ARHGEF38: variants seen among roughly 807,000 people sequenced by gnomAD.
The protein encoded by ARHGEF38 is Rho guanine nucleotide exchange factor (GEF) 38.
ARHGEF38 carries 79 observed loss-of-function variants against 79.9 expected under a neutral mutation model. That is an observed-to-expected ratio of 0.99 (90% CI 0.82 to 1.19). ARHGEF38 has a LOEUF of 1.19. ARHGEF38 is among the 50% of genes most tolerant of loss of function. The pLI, the probability that ARHGEF38 is intolerant of heterozygous loss-of-function variation, is 0.00. For missense variants in ARHGEF38, 962 were observed against 907.2 expected (o/e 1.06, Z -0.78); for synonymous variants, 366 against 328.3 (o/e 1.11, Z -1.24).
At chr4:105,590,070 AGAAAGAAGGAAGGAAGGAAGGAAGGAAG>A in intron 2 of ARHGEF38, among the ~76,000 whole-genome samples, 1 of 122,378 alleles carries the variant, frequency 8.2e-6, no homozygotes. Context: ...AGAAAAAGAA[AGAAAGAAGGAAGGAAGGAAGGAAGGAAG>A]GAAGGAAGGA....
At chr4:105,591,983 T>G (rs1727362131) in intron 2 of ARHGEF38, among the ~76,000 whole-genome samples, 1 of 152,250 alleles carries the variant, frequency 6.6e-6, no homozygotes, top group Non-Finnish European at 1.5e-5. Context: ...TTCTGGCAGA[T>G]ATCAATGGTT....
At chr4:105,623,206 T>C (rs1728810006) in intron 3 of ARHGEF38, among the ~76,000 whole-genome samples, 1 of 152,228 alleles carries the variant, frequency 6.6e-6, no homozygotes, top group Non-Finnish European at 1.5e-5. Flanking sequence ...AACTATTTGC[T>C]GAATGGATGA....
chr4:105,672,315 T>G (rs1226264617), intron 13 of ARHGEF38, among the ~76,000 whole-genome samples: 1 of 152,204 alleles, frequency 6.6e-6, no homozygotes, highest in Non-Finnish European at 1.5e-5. Context: ...TTTAACTTGC[T>G]TATCCATTCT....
At chr4:105,611,898 A>T (rs970911737) in intron 2 of ARHGEF38, among the ~76,000 whole-genome samples, 25 of 152,112 alleles carry the variant, frequency 1.6e-4, no homozygotes, top group African/African-American at 5.8e-4. Flanking sequence ...TTTGATTACA[A>T]ATGAGGCTGT....
chr4:105,665,005 G>T (rs58897003), intron 10 of ARHGEF38, among the ~76,000 whole-genome samples: 4,384 of 151,996 alleles, frequency 0.029, 68 homozygotes, highest in African/African-American at 0.04. Context: ...TGTTGCTGTT[G>T]TTGTTGTTGA....
intron 5 of ARHGEF38, among the ~76,000 whole-genome samples, chr4:105,643,856 C>G (rs1218976993): frequency 6.8e-6 from 1 of 147,052 alleles, no homozygotes; most frequent in Non-Finnish European, 1.5e-5. Context: ...TAGATGGTCT[C>G]TAAGATGCCT....
intron 4 of ARHGEF38, chr4:105,633,080 C>T (rs1729260399): frequency 6.6e-6 from 1 of 152,670 alleles, no homozygotes; most frequent in African/African-American, 2.4e-5. Context: ...TTCCCCTGGC[C>T]ATGCCCCAAA....
intron 1 of ARHGEF38, among the ~76,000 whole-genome samples, chr4:105,561,403 T>TAGAATGGAATAGAATAGAATAGA (rs1725530765): frequency 5.0e-5 from 1 of 20,044 alleles, no homozygotes; most frequent in Non-Finnish European, 1.1e-4. Flanking sequence ...AGTAGAATAA[T>TAGAATGGAATAGAATAGAATAGA]AGAATAGAAT....
chr4:105,565,095 C>T (rs964190260), intron 1 of ARHGEF38, among the ~76,000 whole-genome samples: 1 of 152,218 alleles, frequency 6.6e-6, no homozygotes, highest in Non-Finnish European at 1.5e-5. Flanking sequence ...GACAGGTAAG[C>T]TTTGTTTAAT....
intron 3 of ARHGEF38, among the ~76,000 whole-genome samples, chr4:105,626,583 T>C (rs1055840967): frequency 1.3e-5 from 2 of 152,160 alleles, no homozygotes; most frequent in Non-Finnish European, 2.9e-5. Flanking sequence ...TTAACTGCAA[T>C]AACTTTCTGT....
chr4:105,676,377 TAG>T (rs1477252422), intron 13 of ARHGEF38, among the ~76,000 whole-genome samples: 3 of 152,218 alleles, frequency 2.0e-5, no homozygotes, highest in Non-Finnish European at 4.4e-5. Context: ...CATCTGTGTG[TAG>T]AGTTGTTGCT....
intron 3 of ARHGEF38, among the ~76,000 whole-genome samples, chr4:105,625,349 A>T (rs1266922659): frequency 6.6e-6 from 1 of 152,230 alleles, no homozygotes; most frequent in African/African-American, 2.4e-5. Flanking sequence ...GTAGATTAGA[A>T]TTAAGTTCAG....
chr4:105,561,484 A>AGAATG (rs1560684665), intron 1 of ARHGEF38: 6 of 59,868 alleles, frequency 1.0e-4, no homozygotes, highest in Admixed American at 3.4e-4. Flanking sequence ...AGAATAGAAT[A>AGAATG]GAATAGAATA....
At chr4:105,573,364 A>G (rs1279636222) in intron 1 of ARHGEF38, among the ~76,000 whole-genome samples, 3 of 152,098 alleles carry the variant, frequency 2.0e-5, no homozygotes, top group African/African-American at 7.2e-5. Context: ...TACAAGTTTT[A>G]TATTTTTAGA....
At position 105,680,084 on chromosome 4, in the gene ARHGEF38, T is replaced by G; in HGVS notation, c.*2147T>G. On this transcript the variant is annotated 3_prime_UTR_variant, in exon 14 of 14. Transcript: ENST00000420470. ...CCTCCCTTCAGATCCACTGTAGACTTGAAGGACATCTCATTTTCATCTGTG... is the reference window on the plus strand; with the variant it reads ...CCTCCCTTCAGATCCACTGTAGACTGGAAGGACATCTCATTTTCATCTGTG... 1.3e-6 allele frequency: 1 copy of G among 762,608 alleles called. No individual in the cohort carries two copies. Among genetic ancestry groups the G allele is most frequent in the Non-Finnish European group, 2.4e-6 (1 of 411,726 alleles). 47.2% of individuals were successfully genotyped at this position (762,608 alleles called of 1,614,324 possible).
intron 5 of ARHGEF38, among the ~76,000 whole-genome samples, chr4:105,643,293 C>T (rs1200816926): frequency 6.6e-6 from 1 of 152,032 alleles, no homozygotes; most frequent in Non-Finnish European, 1.5e-5. Context: ...GCCTCCTTCC[C>T]CCTCTGTCAC....
Position 105,648,561 on chromosome 4 carries a change from A to T in ARHGEF38, c.887A>T (p.Lys296Met). ...KRRKDLVLKYKKNDEDESLKD... is the reference protein window; with the variant it reads ...KRRKDLVLKYMKNDEDESLKD... ...TCTTCCTTTTCAGTTCTAAAATACA[A>T]GAAGAATGACGAGGATGAATCACTT... The change falls in exon 7 of 14, where the codon AAG (lysine) becomes ATG (methionine). Residue 296 changes from lysine (K) to methionine (M), a missense_variant. Physicochemically the swap from Lys to Met is moderately conservative, Grantham distance 95. Coordinates refer to ENST00000420470, the MANE Select transcript of ARHGEF38 (RefSeq NM_001242729.2). 6.6e-7 allele frequency: 1 copy of T among 1,514,910 alleles called. No individual in the cohort carries two copies. The highest frequency in any genetic ancestry group is 8.8e-7 in the Non-Finnish European group (1 of 1,138,406). 93.8% of individuals were successfully genotyped at this position (1,514,910 alleles called of 1,614,324 possible).
At chr4:105,601,914 ACTTAT>A (rs772714573) in intron 2 of ARHGEF38, among the ~76,000 whole-genome samples, 4 of 152,022 alleles carry the variant, frequency 2.6e-5, no homozygotes, top group Non-Finnish European at 5.9e-5. Flanking sequence ...TATTTTCCTT[ACTTAT>A]CTTGTTTACT....
intron 11 of ARHGEF38, among the ~76,000 whole-genome samples, chr4:105,666,677 G>C (rs1730762498): frequency 1.3e-5 from 2 of 152,118 alleles, no homozygotes; most frequent in African/African-American, 2.4e-5. Flanking sequence ...AGATAAGTGG[G>C]TTTCTCAAAG....
Sources: gnomAD v4.1 joint callset for allele counts (sites outside exome capture counted in the v4.1 genomes callset) on GRCh38, gnomAD v4.1.1 for gene constraint, MANE v1.5 for transcripts, NCBI Gene and HGNC (gene_info 2026-07-23, HGNC 2026-07-21) for gene names.